The following THSD7B variants were observed in gnomAD, a reference collection of about 807,000 sequenced individuals.
The protein encoded by THSD7B is thrombospondin type 1 domain containing 7B, also known as thrombospondin type-1 domain-containing protein 7B.
Under a neutral mutation model 213.6 loss-of-function variants are expected in THSD7B, and 138 were observed. That is an observed-to-expected ratio of 0.65 (90% CI 0.56 to 0.74). THSD7B has a LOEUF of 0.74. THSD7B is among the 30% of genes least tolerant of loss of function. The pLI is 0.00. For synonymous variants in THSD7B, 742 were observed against 687.0 expected (o/e 1.08, Z -1.25); for missense variants, 1,931 against 1,991.5 (o/e 0.97, Z 0.58).
At chr2:136,894,833 T>C (rs995638268) in intron 2 of THSD7B, among the ~76,000 whole-genome samples, 1 of 152,234 alleles carries the variant, frequency 6.6e-6, no homozygotes, top group Non-Finnish European at 1.5e-5. Context: ...TTATTGCATG[T>C]CTCTAGTGAC....
At chr2:137,223,897 T>C (rs6722209) in intron 7 of THSD7B, among the ~76,000 whole-genome samples, 64,047 of 151,570 alleles carry the variant, frequency 0.42, 13,655 homozygotes, top group Middle Eastern at 0.5. Context: ...TGCAGTATCC[T>C]CCCACCCCCG....
chr2:137,280,823 G>A (rs574227713), intron 12 of THSD7B, among the ~76,000 whole-genome samples: 224 of 152,192 alleles, frequency 1.5e-3, no homozygotes, highest in African/African-American at 5.1e-3. Flanking sequence ...ACTAAAAAAA[G>A]AGAGAAAGAA....
intron 12 of THSD7B, among the ~76,000 whole-genome samples, chr2:137,367,333 A>C (rs1395997037): frequency 6.6e-6 from 1 of 152,130 alleles, no homozygotes; most frequent in East Asian, 1.9e-4. Context: ...AAGGAGAGAG[A>C]GGGCAGAAAT....
At chr2:137,656,201 A>G (rs976164112) in intron 22 of THSD7B, among the ~76,000 whole-genome samples, 37 of 152,292 alleles carry the variant, frequency 2.4e-4, no homozygotes, top group African/African-American at 8.4e-4. Context: ...TGTATGGCAT[A>G]AGTTCAAGTG....
At chr2:136,850,309 A>G (rs1030243104) in intron 1 of THSD7B, among the ~76,000 whole-genome samples, 4 of 56,614 alleles carry the variant, frequency 7.1e-5, no homozygotes, top group African/African-American at 2.6e-4. Flanking sequence ...TCATTTCAAT[A>G]TTATGCCATG....
At chr2:137,028,649 T>C (rs908475215) in intron 2 of THSD7B, among the ~76,000 whole-genome samples, 3 of 152,160 alleles carry the variant, frequency 2.0e-5, no homozygotes, top group Non-Finnish European at 2.9e-5. Flanking sequence ...TATAAGCAAG[T>C]AAATGAGGCA....
chr2:137,402,697 T>G (rs927282260), intron 12 of THSD7B, among the ~76,000 whole-genome samples: 2 of 151,362 alleles, frequency 1.3e-5, no homozygotes, highest in African/African-American at 4.9e-5. Flanking sequence ...ACAGTTGTAT[T>G]CCCAGCTACT....
chr2:136,877,389 A>G (rs1332193127), intron 1 of THSD7B, among the ~76,000 whole-genome samples: 2 of 152,194 alleles, frequency 1.3e-5, no homozygotes, highest in Non-Finnish European at 1.5e-5. Context: ...AATTGTGTCT[A>G]GTAACGCCGC....
chr2:137,461,057 A>C (rs1225217279), intron 15 of THSD7B, among the ~76,000 whole-genome samples: 1 of 151,932 alleles, frequency 6.6e-6, no homozygotes, highest in Non-Finnish European at 1.5e-5. Context: ...TTAGTGCCTT[A>C]TTTCATTGTA....
rs537075199 is a variant in THSD7B at position 137,213,288 on chromosome 2, C to G, written c.1724-17756C>G. On this transcript the variant is annotated intron_variant, in intron 7 of 27. Transcript: ENST00000409968. The stretch of plus-strand genomic sequence containing the variant: ...CTATATATCTGCTGTTATGTATTGC[C>G]AACTTTCTCCCTCCATTTGCACATT... Among the ~76,000 whole-genome samples the G allele has an allele frequency of 4.7e-5, 7 of 149,818 alleles. No individual in the cohort carries two copies. In the East Asian group the frequency reaches 1.4e-3, roughly 29 times the overall value.
chr2:137,475,851 G>A (rs1164787437), intron 15 of THSD7B, among the ~76,000 whole-genome samples: 1 of 152,016 alleles, frequency 6.6e-6, no homozygotes, highest in South Asian at 2.1e-4. Flanking sequence ...AGAGTGCTGG[G>A]TTATATTGTG....
intron 2 of THSD7B, among the ~76,000 whole-genome samples, chr2:137,017,462 TG>T (rs1268874680): frequency 6.6e-6 from 1 of 152,046 alleles, no homozygotes; most frequent in Non-Finnish European, 1.5e-5. Flanking sequence ...CAAGTGAGGT[TG>T]AAAGAGGGCG....
At chr2:137,450,402 C>A (rs926798943) in intron 14 of THSD7B, among the ~76,000 whole-genome samples, 10 of 152,202 alleles carry the variant, frequency 6.6e-5, no homozygotes, top group African/African-American at 2.2e-4. Flanking sequence ...CTCTTCCCAT[C>A]CCCAAGTCAC....
chr2:137,248,052 C>A (rs1682082177), intron 10 of THSD7B, among the ~76,000 whole-genome samples: 1 of 152,016 alleles, frequency 6.6e-6, no homozygotes, highest in South Asian at 2.1e-4. Flanking sequence ...TGAGACTCAC[C>A]CCAGCTCAAA....
At chr2:137,660,245 T>G (rs1297985771) in intron 25 of THSD7B, among the ~76,000 whole-genome samples, 5 of 152,038 alleles carry the variant, frequency 3.3e-5, no homozygotes, top group African/African-American at 1.2e-4. Flanking sequence ...AAGCAGAAAT[T>G]TATTTGTGCT....
chr2:137,508,162 G>A (rs553698183), intron 15 of THSD7B, among the ~76,000 whole-genome samples: 7 of 152,230 alleles, frequency 4.6e-5, no homozygotes, highest in Admixed American at 3.9e-4. Flanking sequence ...ACTGAGTTTA[G>A]ATTTCAGTTT....
At chr2:137,468,502 C>T (rs891285973) in intron 15 of THSD7B, among the ~76,000 whole-genome samples, 10 of 151,488 alleles carry the variant, frequency 6.6e-5, no homozygotes, top group Non-Finnish European at 1.2e-4. Flanking sequence ...TATCTTCTAT[C>T]GCCATTATGA....
At chr2:137,666,247 T>C (rs1489585074) in intron 26 of THSD7B, among the ~76,000 whole-genome samples, 1 of 152,100 alleles carries the variant, frequency 6.6e-6, no homozygotes, top group Non-Finnish European at 1.5e-5. Flanking sequence ...TTATGGATTA[T>C]AAGCTATAAG....
intron 15 of THSD7B, among the ~76,000 whole-genome samples, chr2:137,495,718 T>C (rs1679545807): frequency 1.3e-5 from 2 of 152,152 alleles, no homozygotes; most frequent in South Asian, 4.1e-4. Flanking sequence ...TTCTGAGCAG[T>C]GAGTGGTTAC....
Sources: allele counts gnomAD v4.1 joint callset (sites outside exome capture counted in the v4.1 genomes callset), GRCh38; gene constraint gnomAD v4.1.1; transcripts MANE v1.5; gene names NCBI Gene and HGNC (gene_info 2026-07-23, HGNC 2026-07-21).